The following CYTH1 variants were observed in gnomAD, a reference collection of about 807,000 sequenced individuals.
CYTH1 encodes the protein cytohesin 1.
CYTH1 carries 18 observed loss-of-function variants against 61.8 expected under a neutral mutation model. The observed-to-expected ratio is 0.29, with a 90% CI of 0.20 to 0.43. The LOEUF (loss-of-function observed/expected upper bound fraction) is 0.43, where lower values mean the gene tolerates loss of function less well. CYTH1 is among the 20% of genes least tolerant of loss of function. CYTH1 has a pLI of 1.00. For synonymous variants in CYTH1, 174 were observed against 184.3 expected (o/e 0.94, Z 0.45); for missense variants, 336 against 510.5 (o/e 0.66, Z 3.29).
chr17:78,731,755 C>CAAAAAAAAA (rs376349109), intron 1 of CYTH1, among the ~76,000 whole-genome samples: 3 of 73,674 alleles, frequency 4.1e-5, no homozygotes, highest in African/African-American at 6.1e-5. Flanking sequence ...GACTCCGTCT[C>CAAAAAAAAA]AAAAAAAAAA....
chr17:78,745,334 C>T (rs1248322874), intron 1 of CYTH1, among the ~76,000 whole-genome samples: 1 of 152,090 alleles, frequency 6.6e-6, no homozygotes, highest in Admixed American at 6.6e-5. Flanking sequence ...ATTAATTTGA[C>T]ATATTCATGA....
At chr17:78,741,692 G>A (rs1168604323) in intron 1 of CYTH1, among the ~76,000 whole-genome samples, 1 of 152,220 alleles carries the variant, frequency 6.6e-6, no homozygotes, top group Non-Finnish European at 1.5e-5. Flanking sequence ...TGGCAAGAGT[G>A]TCAGTAGAGG....
At chr17:78,690,116 C>T (rs752686134) in intron 11 of CYTH1, among the ~76,000 whole-genome samples, 72 of 151,916 alleles carry the variant, frequency 4.7e-4, no homozygotes, top group Non-Finnish European at 9.0e-4. Flanking sequence ...ATTCTGACAG[C>T]ATCCTCTCTG....
chr17:78,761,287 A>C (rs997003513), intron 1 of CYTH1, among the ~76,000 whole-genome samples: 1 of 152,212 alleles, frequency 6.6e-6, no homozygotes, highest in Non-Finnish European at 1.5e-5. Context: ...AGGGGAACTA[A>C]TTCTCACAGG....
At chr17:78,695,580 A>G (rs2092930327) in intron 10 of CYTH1, among the ~76,000 whole-genome samples, 1 of 152,226 alleles carries the variant, frequency 6.6e-6, no homozygotes, top group South Asian at 2.1e-4. Context: ...GCTTGAAAAA[A>G]GAAGAAAAAA....
At chr17:78,722,092 C>A (rs2093234054) in intron 1 of CYTH1, among the ~76,000 whole-genome samples, 1 of 152,064 alleles carries the variant, frequency 6.6e-6, no homozygotes, top group African/African-American at 2.4e-5. Context: ...TTTAATAAAT[C>A]CTAGAACTCA....
intron 1 of CYTH1, among the ~76,000 whole-genome samples, chr17:78,753,514 T>C (rs1389650423): frequency 6.6e-6 from 1 of 151,206 alleles, no homozygotes; most frequent in Non-Finnish European, 1.5e-5. Context: ...AATAAATAAA[T>C]AAATAAATAA....
At position 78,751,474 on chromosome 17, in the gene CYTH1, C is replaced by CAAA. The variant is rs71309110; in HGVS notation, c.22+30725_22+30727dup. Reference sequence around the variant, plus strand: ...AGTCACCAGCAAAGGCACAAAAATACAAAAAAAAAAAAATGTAATGCTAAA... The same window carrying CAAA: ...AGTCACCAGCAAAGGCACAAAAATACAAAAAAAAAAAAAAAATGTAATGCTAAA... On this transcript the variant is annotated intron_variant, in intron 1 of 13. Transcript: ENST00000446868. 8.1e-3 allele frequency among the ~76,000 whole-genome samples: 1,179 copies of CAAA among 145,184 alleles called. 16 individuals are homozygous for CAAA. Among genetic ancestry groups the CAAA allele is most frequent in the East Asian group, 0.034 (171 of 4,986 alleles).
At chr17:78,758,667 A>G (rs2093411337) in intron 1 of CYTH1, among the ~76,000 whole-genome samples, 1 of 152,144 alleles carries the variant, frequency 6.6e-6, no homozygotes, top group Non-Finnish European at 1.5e-5. Context: ...AGATTGCACC[A>G]TTGTATTCCA....
At chr17:78,718,946 T>C (rs546082801) in intron 1 of CYTH1, among the ~76,000 whole-genome samples, 4 of 152,360 alleles carry the variant, frequency 2.6e-5, no homozygotes, top group Admixed American at 1.3e-4. Flanking sequence ...ACTGCTTGCC[T>C]ACTAGGTGGA....
intron 1 of CYTH1, among the ~76,000 whole-genome samples, chr17:78,713,218 A>ATGT (rs2093152118): frequency 6.6e-6 from 1 of 152,122 alleles, no homozygotes. Flanking sequence ...ACAGAAACGC[A>ATGT]TGTTTAAAGC....
intron 3 of CYTH1, among the ~76,000 whole-genome samples, chr17:78,705,061 T>G (rs1335760697): frequency 6.6e-6 from 1 of 152,158 alleles, no homozygotes. Context: ...GATCAGTATT[T>G]CCAAACAAAT....
chr17:78,683,818 T>TAA (rs2092788470), intron 11 of CYTH1, among the ~76,000 whole-genome samples: 1 of 152,178 alleles, frequency 6.6e-6, no homozygotes, highest in African/African-American at 2.4e-5. Context: ...GCTTCTGGTT[T>TAA]TTACCCTCCC....
intron 2 of CYTH1, among the ~76,000 whole-genome samples, chr17:78,708,665 A>G (rs2093094579): frequency 6.6e-6 from 1 of 152,260 alleles, no homozygotes; most frequent in African/African-American, 2.4e-5. Context: ...CAGGCTGCAG[A>G]GCCTGCAGTA....
At chr17:78,721,772 A>G (rs1433657065) in intron 1 of CYTH1, among the ~76,000 whole-genome samples, 1 of 152,146 alleles carries the variant, frequency 6.6e-6, no homozygotes, top group Non-Finnish European at 1.5e-5. Context: ...GGCTGGGCGC[A>G]GTGGCTCACG....
chr17:78,721,438 G>A (rs929830491), intron 1 of CYTH1, among the ~76,000 whole-genome samples: 3 of 152,226 alleles, frequency 2.0e-5, no homozygotes, highest in Non-Finnish European at 2.9e-5. Flanking sequence ...GGTGCCTTCC[G>A]GCAAATTGCC....
rs369613529 is a variant in CYTH1, at chr17:78,676,035, C to T, written c.*56G>A. 398 of 1,564,460 alleles carry T rather than the reference C, an allele frequency of 2.5e-4. No homozygotes were observed. The African/African-American group carries it at 4.5e-3, about 18-fold the overall frequency. On this transcript the variant is annotated 3_prime_UTR_variant, in exon 14 of 14. Transcript: ENST00000446868. Reference sequence around the variant, plus strand: ...CGGCAGCAGTGCATCCATGGAGGTGCGGGAGAAGAGCAGGAGCTCCAAGGC... The same window carrying T: ...CGGCAGCAGTGCATCCATGGAGGTGTGGGAGAAGAGCAGGAGCTCCAAGGC...
chr17:78,696,327 T>C (rs2092938022), intron 9 of CYTH1, among the ~76,000 whole-genome samples: 1 of 152,250 alleles, frequency 6.6e-6, no homozygotes, highest in Admixed American at 6.5e-5. Flanking sequence ...TGTTTACTAG[T>C]ATATCCAGAA....
intron 1 of CYTH1, among the ~76,000 whole-genome samples, chr17:78,765,175 G>A (rs894953448): frequency 6.6e-6 from 1 of 152,114 alleles, no homozygotes; most frequent in African/African-American, 2.4e-5. Context: ...GGGTATCCCT[G>A]ATGGGTCCCA....
Sources: gnomAD v4.1 joint callset for allele counts (sites outside exome capture counted in the v4.1 genomes callset) on GRCh38, gnomAD v4.1.1 for gene constraint, MANE v1.5 for transcripts, NCBI Gene and HGNC (gene_info 2026-07-23, HGNC 2026-07-21) for gene names.